ROBO2: variants seen among roughly 807,000 people sequenced by gnomAD.
ROBO2 encodes the protein roundabout homolog 2.
ROBO2 carries 53 observed loss-of-function variants against 160.8 expected under a neutral mutation model. The observed-to-expected ratio is 0.33, with a 90% CI of 0.26 to 0.41. ROBO2 has a LOEUF of 0.41. Among genes scored for constraint, ROBO2 ranks in the 10% least tolerant of loss-of-function variants. ROBO2 has a pLI of 1.00. For synonymous variants in ROBO2, 664 were observed against 611.7 expected (o/e 1.09, Z -1.26); for missense variants, 1,577 against 1,722.4 (o/e 0.92, Z 1.49).
intron 2 of ROBO2, among the ~76,000 whole-genome samples, chr3:76,709,863 T>C (rs888102130): frequency 1.3e-5 from 2 of 152,202 alleles, no homozygotes; most frequent in Non-Finnish European, 2.9e-5. Flanking sequence ...ACACTGTCTA[T>C]TGCAATGTGG....
At chr3:77,004,357 T>C (rs2061477282) in intron 2 of ROBO2, among the ~76,000 whole-genome samples, 2 of 152,180 alleles carry the variant, frequency 1.3e-5, no homozygotes, top group African/African-American at 4.8e-5. Flanking sequence ...TAGGCAACAA[T>C]GGCTTCCGCT....
chr3:77,226,395 ACCT>A (rs2086500042), intron 2 of ROBO2, among the ~76,000 whole-genome samples: 1 of 151,052 alleles, frequency 6.6e-6, no homozygotes, highest in African/African-American at 2.4e-5. Flanking sequence ...TTTCTTCACC[ACCT>A]CCTCCTATTT....
At chr3:76,580,336 TTTTG>T (rs2085597418) in intron 2 of ROBO2, among the ~76,000 whole-genome samples, 3 of 127,502 alleles carry the variant, frequency 2.4e-5, no homozygotes, top group African/African-American at 8.8e-5. Context: ...TTGTTTTTTT[TTTTG>T]TGTTTTTTTT....
chr3:77,587,859 C>A (rs1266298673), intron 16 of ROBO2, among the ~76,000 whole-genome samples: 1 of 152,046 alleles, frequency 6.6e-6, no homozygotes, highest in Non-Finnish European at 1.5e-5. Flanking sequence ...CATTAGAAAT[C>A]ACTTAATTCC....
intron 4 of ROBO2, among the ~76,000 whole-genome samples, 163 bp from the exon 5 acceptor site, chr3:77,493,081 A>C (rs1396224517): frequency 6.6e-6 from 1 of 152,168 alleles, no homozygotes; most frequent in Non-Finnish European, 1.5e-5. Context: ...ATTTTATTGA[A>C]TGACATTGGA....
At chr3:76,806,432 CAGA>C (rs890393298) in intron 2 of ROBO2, among the ~76,000 whole-genome samples, 1 of 151,694 alleles carries the variant, frequency 6.6e-6, no homozygotes, top group African/African-American at 2.4e-5. Flanking sequence ...ATGAAGCCTA[CAGA>C]AGAAATATTT....
chr3:76,303,336 TTTAA>T (rs999194729), intron 2 of ROBO2, among the ~76,000 whole-genome samples: 35 of 152,174 alleles, frequency 2.3e-4, no homozygotes, highest in African/African-American at 7.5e-4. Flanking sequence ...AGGTTTAAAC[TTTAA>T]TTGTGTGTGT....
At chr3:76,159,108 A>C (rs113414341) in intron 2 of ROBO2, among the ~76,000 whole-genome samples, 17 of 152,298 alleles carry the variant, frequency 1.1e-4, no homozygotes, top group Admixed American at 3.3e-4. Context: ...CCTAGCTTGC[A>C]TGGCTAACTC....
chr3:75,927,976 CTTTTTTTT>C (rs71101865), intron 1 of ROBO2, among the ~76,000 whole-genome samples: 6 of 103,996 alleles, frequency 5.8e-5, no homozygotes, highest in Admixed American at 1.1e-4. Context: ...GATTTTCTCT[CTTTTTTTT>C]TTTTTTTTTT....
At chr3:77,634,895 A>G in exon 24 of ROBO2, 1 of 1,614,016 alleles carries the variant, frequency 6.2e-7, no homozygotes, top group Non-Finnish European at 8.5e-7. Flanking sequence ...CCTCTCAAAG[A>G]CCTCGACCTA....
At chr3:76,489,341 T>C (rs757007012) in intron 2 of ROBO2, among the ~76,000 whole-genome samples, 4 of 151,992 alleles carry the variant, frequency 2.6e-5, no homozygotes, top group Non-Finnish European at 5.9e-5. Flanking sequence ...CACAGTGATA[T>C]AGTAGGAAGG....
chr3:76,021,624 A>G (rs2066576611), intron 2 of ROBO2, among the ~76,000 whole-genome samples: 1 of 151,878 alleles, frequency 6.6e-6, no homozygotes, highest in Non-Finnish European at 1.5e-5. Context: ...CCAATGCATA[A>G]AAAAGTTCAT....
At chr3:77,273,241 A>C (rs2059616892) in intron 2 of ROBO2, among the ~76,000 whole-genome samples, 1 of 152,296 alleles carries the variant, frequency 6.6e-6, no homozygotes, top group South Asian at 2.1e-4. Flanking sequence ...AGCTGTAGAA[A>C]AAGAACAAAA....
intron 2 of ROBO2, among the ~76,000 whole-genome samples, chr3:76,384,798 C>T (rs1277679983): frequency 6.6e-6 from 1 of 152,106 alleles, no homozygotes; most frequent in Non-Finnish European, 1.5e-5. Context: ...GGGGTACCTG[C>T]CTCCATGATT....
intron 2 of ROBO2, among the ~76,000 whole-genome samples, chr3:77,296,153 G>A (rs1460629278): frequency 2.0e-5 from 3 of 151,410 alleles, no homozygotes; most frequent in Non-Finnish European, 2.9e-5. Flanking sequence ...TAAAATTGAC[G>A]GCTAAACGAG....
chr3:76,215,959 C>A (rs142331181), intron 2 of ROBO2, among the ~76,000 whole-genome samples: 48,771 of 152,134 alleles, frequency 0.32, 8,827 homozygotes, highest in Non-Finnish European at 0.41. Context: ...AACAGCTGAT[C>A]TCTCAGCAGA....
chr3:77,328,126 C>T (rs1045280753), intron 2 of ROBO2, among the ~76,000 whole-genome samples: 4 of 151,422 alleles, frequency 2.6e-5, no homozygotes, highest in Admixed American at 6.6e-5. Context: ...GTTTACTCAC[C>T]CGCTTTTCCT....
chr3:76,853,535 A>G (rs1412670222), intron 2 of ROBO2, among the ~76,000 whole-genome samples: 1 of 152,100 alleles, frequency 6.6e-6, no homozygotes, highest in Non-Finnish European at 1.5e-5. Context: ...AGTTTCCTAA[A>G]TTTACTGCAA....
At chr3:75,997,689 T>G (rs970033274) in intron 2 of ROBO2, among the ~76,000 whole-genome samples, 1 of 152,000 alleles carries the variant, frequency 6.6e-6, no homozygotes, top group Non-Finnish European at 1.5e-5. Flanking sequence ...GAGACGGGGT[T>G]TCACCGTGTT....
Sources: gnomAD v4.1 joint callset for allele counts (sites outside exome capture counted in the v4.1 genomes callset) on GRCh38, gnomAD v4.1.1 for gene constraint, MANE v1.5 for transcripts, NCBI Gene and HGNC (gene_info 2026-07-23, HGNC 2026-07-21) for gene names.